ANKRD13D: variants seen among roughly 807,000 people sequenced by gnomAD.
ANKRD13D encodes ankyrin repeat domain 13D.
ANKRD13D carries 24 observed loss-of-function variants against 68.8 expected under a neutral mutation model. The ratio of observed to expected loss-of-function variants is 0.35; its 90% confidence interval spans 0.25 to 0.49. ANKRD13D has a LOEUF of 0.49. Among genes scored for constraint, ANKRD13D ranks in the 20% least tolerant of loss-of-function variants. The pLI is 0.99. For missense variants in ANKRD13D, 735 were observed against 832.1 expected (o/e 0.88, Z 1.44); for synonymous variants, 331 against 336.1 (o/e 0.98, Z 0.16).
intron 6 of ANKRD13D, among the ~76,000 whole-genome samples, chr11:67,295,462 C>T (rs916953175): frequency 4.0e-5 from 6 of 151,662 alleles, no homozygotes; most frequent in African/African-American, 9.7e-5. Flanking sequence ...TAGTGGTTCA[C>T]GCCTGTAATC....
At chr11:67,298,056 C>CTTTTTTTTTTTTT (rs200939455) in intron 6 of ANKRD13D, 1 of 130,000 alleles carries the variant, frequency 7.7e-6, no homozygotes, top group African/African-American at 3.8e-5. Context: ...TTGAGGTTTT[C>CTTTTTTTTTTTTT]TTTTTTTTTT....
chr11:67,290,542 G>GC, intron 3 of ANKRD13D, 96 bp downstream of exon 3: 1 of 1,468,094 alleles, frequency 6.8e-7, no homozygotes, highest in Non-Finnish European at 9.1e-7. Flanking sequence ...CCCAGTTTGT[G>GC]CAGTGTGCCT....
Position 67,290,097 on chromosome 11 carries a change from A to AC in ANKRD13D, c.115dup (p.Arg39ProfsTer86). 1.3e-6 allele frequency: 2 copies of AC among 1,536,850 alleles called. No homozygotes were observed. Among genetic ancestry groups the AC allele is most frequent in the South Asian group, 2.4e-5 (2 of 84,038 alleles). Reference sequence around the variant, plus strand: ...CCCCAGCACGACATTGAACAGGAGGACCCCCGCGGGCGGACCCCACTGGAG... The same window carrying AC: ...CCCCAGCACGACATTGAACAGGAGGACCCCCCGCGGGCGGACCCCACTGGAG... On this transcript the variant is annotated frameshift_variant, in exon 2 of 15. Transcript: ENST00000511455. LOFTEE classifies it high-confidence loss of function.
At position 67,301,305 on chromosome 11, in the gene ANKRD13D, A is replaced by G; in HGVS notation, c.1255A>G (p.Asn419Asp). The stretch of plus-strand genomic sequence containing the variant: ...AGAGATTCCCCTTTTCCACGTGCTC[A>G]ATGCCCGCATCACCTTCAGCAACCT... Reference protein sequence around the residue: ...KIEIPLFHVLNARITFSNLCG... With the variant: ...KIEIPLFHVLDARITFSNLCG... Residue 419 changes from asparagine to aspartate, a missense_variant, in exon 12 of 15, where the codon AAT (asparagine) becomes GAT (aspartate). Transcript: ENST00000511455. The surrounding 1 kb of genome is among the most constrained non-coding windows in gnomAD (Gnocchi z 4.5). 1 of 1,613,294 alleles carries G rather than the reference A, an allele frequency of 6.2e-7. No homozygotes were observed. The highest frequency in any genetic ancestry group is 1.1e-5 in the South Asian group (1 of 90,956).
Position 67,299,145 on chromosome 11 carries a change from G to T in ANKRD13D, c.798+21G>T. 1.2e-6 allele frequency: 2 copies of T among 1,600,780 alleles called. No homozygotes were observed. The highest frequency in any genetic ancestry group is 1.7e-6 in the Non-Finnish European group (2 of 1,168,784). ...CCAAGGCAGGAGAGGCTAGGGGTGG[G>T]GGGCTGGGGGTAGGAGATGAGGTCC... On this transcript the variant is annotated intron_variant, in intron 7 of 14. Transcript: ENST00000511455. The surrounding 1 kb of genome is among the most constrained non-coding windows in gnomAD (Gnocchi z 6.2).
chr11:67,292,471 C>T (rs1204349423), intron 6 of ANKRD13D, among the ~76,000 whole-genome samples: 2 of 152,114 alleles, frequency 1.3e-5, no homozygotes, highest in Non-Finnish European at 1.5e-5. Flanking sequence ...CTGTGGTTCA[C>T]GGCAGCTCTT....
intron 6 of ANKRD13D, among the ~76,000 whole-genome samples, chr11:67,297,456 A>C (rs960302424): frequency 2.6e-5 from 4 of 151,726 alleles, no homozygotes; most frequent in Non-Finnish European, 5.9e-5. Context: ...CAGCCTCCCA[A>C]AGTGCTGGGA....
chr11:67,291,235 T>G (rs1046268266), intron 3 of ANKRD13D: 2 of 515,924 alleles, frequency 3.9e-6, no homozygotes, highest in Non-Finnish European at 6.8e-6. Flanking sequence ...CACACACCTG[T>G]GGTCCCAGCT....
In ANKRD13D at chr11:67,301,981, G is replaced by A; in HGVS notation, c.1605-138G>A. 7.5e-7 allele frequency: 1 copy of A among 1,342,124 alleles called. No homozygotes were observed. The highest frequency in any genetic ancestry group is 1.0e-6 in the Non-Finnish European group (1 of 999,892). 83.1% of individuals were successfully genotyped at this position (1,342,124 alleles called of 1,614,324 possible). The stretch of plus-strand genomic sequence containing the variant: ...CAAAGGTGGTGTGAGGGGTGGGGAA[G>A]CAGGGCCCTGCCTTGTCTCCTCTGC... On this transcript the variant is annotated intron_variant, in intron 14 of 14. Transcript: ENST00000511455. The surrounding 1 kb of genome is among the most constrained non-coding windows in gnomAD (Gnocchi z 4.5).
Position 67,291,972 on chromosome 11 carries a change from C to T in ANKRD13D, c.542-19C>T, listed in dbSNP as rs771970484. The T allele has an allele frequency of 1.5e-5, 24 of 1,561,876 alleles. 1 individual carries two copies. Among genetic ancestry groups the T allele is most frequent in the East Asian group, 1.1e-4 (5 of 44,174 alleles). On this transcript the variant is annotated intron_variant, in intron 5 of 14. Coordinates refer to ENST00000511455, the MANE Select transcript of ANKRD13D (RefSeq NM_207354.3). ...AGCACTGATTTGCGCCCCCTCTGTC[C>T]ACCCCTACCGGCCGGCAGAGGCAGG...
chr11:67,292,777 A>G (rs1431918394), intron 6 of ANKRD13D, among the ~76,000 whole-genome samples: 1 of 152,186 alleles, frequency 6.6e-6, no homozygotes, highest in Non-Finnish European at 1.5e-5. Flanking sequence ...CACCTCAGGA[A>G]GAAACCCCCC....
At position 67,300,666 on chromosome 11, in the gene ANKRD13D, A is replaced by G. The variant is rs1306074327; in HGVS notation, c.1074-324A>G. ...TTTGGCAACACGTGAGCTGGTGACC[A>G]GCTCTGGGCTGAGGAGGAAAACGGG... On this transcript the variant is annotated intron_variant, in intron 10 of 14. Transcript: ENST00000511455. This position sits in a 1 kb window ranked among gnomAD's most constrained non-coding sequence, Gnocchi z 4.3. 6 of 470,946 alleles carry G rather than the reference A, an allele frequency of 1.3e-5. No individual in the cohort carries two copies. Among genetic ancestry groups the G allele is most frequent in the Non-Finnish European group, 1.9e-5 (5 of 268,216 alleles). 29.2% of individuals were successfully genotyped at this position (470,946 alleles called of 1,614,324 possible).
Position 67,300,956 on chromosome 11 carries a change from G to A in ANKRD13D, c.1074-34G>A, listed in dbSNP as rs368733850. 200 of 1,610,770 alleles carry A rather than the reference G, an allele frequency of 1.2e-4. No individual in the cohort carries two copies. The African/African-American group carries it at 2.0e-3, about 16-fold the overall frequency. ...GTCCTCAATGGAAGGGCCACCAGCCGTGCCTCACCCATGTCCTGTGGTCGG... is the reference window on the plus strand; with the variant it reads ...GTCCTCAATGGAAGGGCCACCAGCCATGCCTCACCCATGTCCTGTGGTCGG... On this transcript the variant is annotated intron_variant, in intron 10 of 14. Transcript: ENST00000511455. This position sits in a 1 kb window ranked among gnomAD's most constrained non-coding sequence, Gnocchi z 4.3.
chr11:67,299,168 T>A lies in ANKRD13D; in HGVS notation c.798+44T>A. On this transcript the variant is annotated intron_variant, in intron 7 of 14. Coordinates refer to ENST00000511455, the MANE Select transcript of ANKRD13D (RefSeq NM_207354.3). The surrounding 1 kb of genome is among the most constrained non-coding windows in gnomAD (Gnocchi z 6.2). Reference sequence around the variant, plus strand: ...GGGGGGCTGGGGGTAGGAGATGAGGTCCAGGAACTCAGCTCCTCTCCACAT... The same window carrying A: ...GGGGGGCTGGGGGTAGGAGATGAGGACCAGGAACTCAGCTCCTCTCCACAT... The A allele has an allele frequency of 7.0e-5, 84 of 1,199,266 alleles. No individual in the cohort carries two copies. Among genetic ancestry groups the A allele is most frequent in the Non-Finnish European group, 9.6e-5 (77 of 804,542 alleles). The allele number at this position is 1,199,266 out of a possible 1,614,324, so 74.3% of individuals were successfully genotyped here. A position where few individuals can be genotyped will look rare whatever the true frequency, so the allele number is the denominator to read the frequency against.
Position 67,301,535 on chromosome 11 carries a change from A to G in ANKRD13D, c.1396A>G (p.Asn466Asp), listed in dbSNP as rs2134746167. 6.2e-7 allele frequency: 1 copy of G among 1,613,098 alleles called. No individual in the cohort carries two copies. The highest frequency in any genetic ancestry group is 8.5e-7 in the Non-Finnish European group (1 of 1,179,984). The change falls in exon 13 of 15, where the codon AAC (asparagine) becomes GAC (aspartate). Residue 466 changes from asparagine to aspartate, a missense_variant. Coordinates refer to ENST00000511455, the MANE Select transcript of ANKRD13D (RefSeq NM_207354.3). The surrounding 1 kb of genome is among the most constrained non-coding windows in gnomAD (Gnocchi z 4.5). Reference sequence around the variant, plus strand: ...GGACCCCACCGTGTTTGAAGTGCCCAACGGGTACAGCGTGCTGGGCATGGA... The same window carrying G: ...GGACCCCACCGTGTTTGAAGTGCCCGACGGGTACAGCGTGCTGGGCATGGA... ...EVDPTVFEVP[N>D]GYSVLGMERN...
chr11:67,295,902 C>T (rs1054576799), intron 6 of ANKRD13D, among the ~76,000 whole-genome samples: 14 of 152,278 alleles, frequency 9.2e-5, no homozygotes, highest in African/African-American at 3.4e-4. Flanking sequence ...AAGGTAATTC[C>T]TTTCCATTCC....
At position 67,301,496 on chromosome 11, in the gene ANKRD13D, T is replaced by C. The variant is rs1565083435; in HGVS notation, c.1357T>C (p.Phe453Leu). ...CTCTGCCACCTGCCTAGGGAACCCTTTCCCGTGCGAGGTGGACCCCACCGT... is the reference window on the plus strand; with the variant it reads ...CTCTGCCACCTGCCTAGGGAACCCTCTCCCGTGCGAGGTGGACCCCACCGT... ...SSAVAASGNPFPCEVDPTVFE... is the reference protein window; with the variant it reads ...SSAVAASGNPLPCEVDPTVFE... Residue 453 changes from phenylalanine (F) to leucine (L), a missense_variant, in exon 13 of 15, where the codon TTC becomes CTC. By Grantham distance (22) the Phe-to-Leu change is conservative (BLOSUM62 0). Transcript: ENST00000511455. This position sits in a 1 kb window ranked among gnomAD's most constrained non-coding sequence, Gnocchi z 4.5. 1 of 1,612,656 alleles carries C rather than the reference T, an allele frequency of 6.2e-7. No individual in the cohort carries two copies. The highest frequency in any genetic ancestry group is 8.5e-7 in the Non-Finnish European group (1 of 1,179,604).
chr11:67,295,060 G>A (rs1860709114), intron 6 of ANKRD13D, among the ~76,000 whole-genome samples: 1 of 151,704 alleles, frequency 6.6e-6, no homozygotes. Flanking sequence ...TCCAATTTAG[G>A]TGCCTTTTGT....
chr11:67,289,740 T>G, intron 1 of ANKRD13D, 190 bp downstream of exon 1: 1 of 1,402,354 alleles, frequency 7.1e-7, no homozygotes, highest in Non-Finnish European at 9.3e-7. Context: ...TCCTCTCCCC[T>G]GCGCTGGGCC....
Sources: gnomAD v4.1 joint callset for allele counts (sites outside exome capture counted in the v4.1 genomes callset) on GRCh38, gnomAD v4.1.1 for gene constraint, Gnocchi (gnomAD v3.1) non-coding constraint, MANE v1.5 for transcripts, NCBI Gene and HGNC (gene_info 2026-07-23, HGNC 2026-07-21) for gene names.